The following LOXHD1 variants were observed in gnomAD, a reference collection of about 807,000 sequenced individuals.
LOXHD1 encodes lipoxygenase homology domain-containing protein 1.
LOXHD1 carries 205 observed loss-of-function variants against 248.2 expected under a neutral mutation model. The ratio of observed to expected loss-of-function variants is 0.83; its 90% CI spans 0.74 to 0.93. LOXHD1 has a LOEUF of 0.93. Ranked by LOEUF, LOXHD1 falls within the 40% of genes least tolerant of loss-of-function variation. The pLI is 0.00. For missense variants in LOXHD1, 2,930 were observed against 2,971.6 expected, an observed-to-expected ratio of 0.99 and a Z score of 0.33; for synonymous variants, 1,113 against 1,162.8, an observed-to-expected ratio of 0.96 and a Z score of 0.87.
chr18:46,650,270 T>A (rs1277919037), intron 1 of LOXHD1, among the ~76,000 whole-genome samples: 1 of 152,162 alleles, frequency 6.6e-6, no homozygotes, highest in Non-Finnish European at 1.5e-5. Flanking sequence ...AAGGTACATG[T>A]CTGTACCAAA....
chr18:46,560,052 T>TGGG, intron 19 of LOXHD1, 31 bp downstream of exon 19: 8 of 441,116 alleles, frequency 1.8e-5, no homozygotes, highest in Non-Finnish European at 2.9e-5. Context: ...GGCCACTCCC[T>TGGG]CCCCACCCCC....
intron 2 of LOXHD1, among the ~76,000 whole-genome samples, chr18:46,643,449 A>G (rs1266193706): frequency 1.3e-5 from 2 of 152,238 alleles, no homozygotes; most frequent in African/African-American, 2.4e-5. Context: ...AGTTTTCTCC[A>G]CGAAGCACCA....
At chr18:46,498,235 T>C (rs2034000456) in intron 37 of LOXHD1, among the ~76,000 whole-genome samples, 1 of 152,226 alleles carries the variant, frequency 6.6e-6, no homozygotes, top group Admixed American at 6.5e-5. Context: ...AGTTAAACCC[T>C]GCTGACTCTA....
intron 23 of LOXHD1, among the ~76,000 whole-genome samples, chr18:46,544,526 G>A (rs187421903): frequency 6.6e-6 from 1 of 152,300 alleles, no homozygotes; most frequent in Admixed American, 6.5e-5. Flanking sequence ...AATAATTGAT[G>A]TTAATTAATG....
chr18:46,551,640 A>C (rs1203406296), intron 21 of LOXHD1, among the ~76,000 whole-genome samples: 1 of 152,166 alleles, frequency 6.6e-6, no homozygotes, highest in African/African-American at 2.4e-5. Context: ...GCCAAGGAGC[A>C]GGGCCTCTCA....
chr18:46,554,865 T>C (rs2037254308), intron 21 of LOXHD1, among the ~76,000 whole-genome samples: 1 of 152,166 alleles, frequency 6.6e-6, no homozygotes, highest in African/African-American at 2.4e-5. Flanking sequence ...TGGAAAAGTG[T>C]ACCGGAGGGT....
intron 21 of LOXHD1, among the ~76,000 whole-genome samples, chr18:46,551,523 A>T (rs1480154482): frequency 2.6e-5 from 4 of 152,128 alleles, no homozygotes; most frequent in Admixed American, 6.6e-5. Context: ...TGAGCAGCAC[A>T]AAGGAGGGAA....
At position 46,488,963 on chromosome 18, in the gene LOXHD1, C is replaced by T. The variant is rs1410056251; in HGVS notation, c.6049+9G>A. 6.5e-7 allele frequency: 1 copy of T among 1,549,894 alleles called. No individual in the cohort carries two copies. The highest frequency in any genetic ancestry group is 8.7e-7 in the Non-Finnish European group (1 of 1,145,572). On this transcript the variant is annotated intron_variant, in intron 38 of 40. Coordinates refer to ENST00000642948, the MANE Select transcript of LOXHD1 (RefSeq NM_001384474.1). ...CCTCCCTCCTGAGCCAATGATCTCC[C>T]CCACATACTGGTCTCTTCCAGCTCA...
At chr18:46,651,214 G>T (rs536753353) in intron 1 of LOXHD1, among the ~76,000 whole-genome samples, 73 of 152,162 alleles carry the variant, frequency 4.8e-4, no homozygotes, top group Non-Finnish European at 7.5e-4. Context: ...AGTGTTTTGG[G>T]GTGAGTGGAC....
downstream of LOXHD1, chr18:46,477,183 T>C (rs1598792846): frequency 1.4e-6 from 1 of 720,062 alleles, no homozygotes; most frequent in Non-Finnish European, 2.6e-6. Context: ...ACTCAATTTC[T>C]CATCCACACT....
At position 46,494,839 on chromosome 18, in the gene LOXHD1, TTCTC is replaced by T. The variant is rs1363456734; in HGVS notation, c.5879-5701_5879-5698del. 6.4e-3 allele frequency among the ~76,000 whole-genome samples: 802 copies of T among 125,700 alleles called. 8 individuals carry two copies. Among genetic ancestry groups the T allele is most frequent in the Non-Finnish European group, 0.01 (582 of 57,728 alleles). 82.5% of individuals were successfully genotyped at this position (125,700 alleles called of 152,430 possible). A position where few individuals can be genotyped will look rare whatever the true frequency, so the allele number is the denominator to read the frequency against. Reference sequence around the variant, plus strand: ...TGATTTATATTTTTCTTTCTCCTTTTTCTCTCTCTCTTTTTTTTTTTTTTTTTTT... The same window carrying T: ...TGATTTATATTTTTCTTTCTCCTTTTTCTCTCTTTTTTTTTTTTTTTTTTT... On this transcript the variant is annotated intron_variant, in intron 37 of 40. Transcript: ENST00000642948.
At position 46,560,866 on chromosome 18, in the gene LOXHD1, G is replaced by A. The variant is rs115153874; in HGVS notation, c.2599-321C>T. On this transcript the variant is annotated intron_variant, in intron 18 of 40. Transcript: ENST00000642948. ...CACACACACGCACGCGCGCGCGCGCGCCTCATTCCTATGATTTCTGTCCCT... is the reference window on the plus strand; with the variant it reads ...CACACACACGCACGCGCGCGCGCGCACCTCATTCCTATGATTTCTGTCCCT... 9.4e-3 allele frequency among the ~76,000 whole-genome samples: 1,401 copies of A among 149,786 alleles called. 18 individuals carry two copies. The highest frequency in any genetic ancestry group is 0.033 in the African/African-American group (1,313 of 40,318).
In LOXHD1 at chr18:46,509,757, T is replaced by A. The variant is rs775871086; in HGVS notation, c.5458A>T (p.Thr1820Ser). ...CCATCAATCCGGATCCGCATCTTGG[T>A]GAATGGAGCAATGTCTAGGATCTCC... Reference protein sequence around the residue: ...IMEILDIAPFTKMRIRIDGLG... With the variant: ...IMEILDIAPFSKMRIRIDGLG... The change falls in exon 35 of 41, where the codon ACC (threonine) becomes TCC (serine). Residue 1820 changes from threonine to serine, a missense_variant. Coordinates refer to ENST00000642948, the MANE Select transcript of LOXHD1 (RefSeq NM_001384474.1). The A allele has an allele frequency of 1.0e-4, 158 of 1,551,276 alleles. 1 individual carries two copies. Among genetic ancestry groups the A allele is most frequent in the Admixed American group, 7.1e-4 (36 of 50,958 alleles).
rs139843348 is a variant in LOXHD1 at position 46,562,401 on chromosome 18, A to G, written c.2598+664T>C. ...CACACACATTGTCATATCTATAATA[A>G]AACATTCATGTTTCTCCTAAGGGGC... On this transcript the variant is annotated intron_variant, in intron 18 of 40. Coordinates refer to ENST00000642948, the MANE Select transcript of LOXHD1 (RefSeq NM_001384474.1). 4.6e-3 allele frequency among the ~76,000 whole-genome samples: 694 copies of G among 152,288 alleles called. 4 individuals are homozygous for G. The highest frequency in any genetic ancestry group is 0.01 in the Middle Eastern group (3 of 294).
At chr18:46,532,942 C>T (rs778717875) in intron 28 of LOXHD1, among the ~76,000 whole-genome samples, 2 of 152,230 alleles carry the variant, frequency 1.3e-5, no homozygotes, top group Non-Finnish European at 2.9e-5. Context: ...TGGAGTGAGA[C>T]AGCTGAGACT....
At chr18:46,640,286 G>A (rs142223233) in intron 3 of LOXHD1, among the ~76,000 whole-genome samples, 1 of 152,182 alleles carries the variant, frequency 6.6e-6, no homozygotes, top group Non-Finnish European at 1.5e-5. Context: ...TAGACCACCT[G>A]ATTTACAGGA....
chr18:46,555,472 CG>C (rs2037286741), intron 21 of LOXHD1: 1 of 137,164 alleles, frequency 7.3e-6, no homozygotes, highest in African/African-American at 3.2e-5. Context: ...AGTGTTCCCT[CG>C]GGCTGGTAGG....
At chr18:46,535,576 CTGTTTTTGTTGTTGT>C (rs1568152022) in intron 26 of LOXHD1, among the ~76,000 whole-genome samples, 1 of 135,590 alleles carries the variant, frequency 7.4e-6, no homozygotes, top group African/African-American at 3.0e-5. Context: ...ATGGCTGCCT[CTGTTTTTGTTGTTGT>C]TGTTGTTGTT....
rs943633635 is a variant in LOXHD1 at position 46,477,747 on chromosome 18, C to G, written c.6547G>C (p.Gly2183Arg). The change falls in exon 41 of 41, where the codon GGA becomes CGA. Residue 2183 changes from glycine (G) to arginine (R), a missense_variant. Gly to Arg is a moderately radical substitution (Grantham distance 125, BLOSUM62 -2). Transcript: ENST00000642948. The stretch of plus-strand genomic sequence containing the variant: ...TTCAGCTCCCGCTTGCCTGTGTCTC[C>G]GTTGGCCCCAAAGATGGTCACGAAG... ...NVFVTIFGAN[G>R]DTGKRELKQK... The G allele has an allele frequency of 6.4e-7, 1 of 1,551,936 alleles. No individual in the cohort carries two copies. Among genetic ancestry groups the G allele is most frequent in the African/African-American group, 1.4e-5 (1 of 73,196 alleles).
Sources: gnomAD v4.1 joint callset for allele counts (sites outside exome capture counted in the v4.1 genomes callset) on GRCh38, gnomAD v4.1.1 for gene constraint, MANE v1.5 for transcripts, NCBI Gene and HGNC (gene_info 2026-07-23, HGNC 2026-07-21) for gene names.